Variants in GRID2 observed in about 807,000 individuals in gnomAD.
GRID2 encodes the protein glutamate receptor ionotropic, delta-2.
GRID2 carries 33 observed loss-of-function variants against 114.8 expected under a neutral mutation model. The ratio of observed to expected loss-of-function variants is 0.29; its 90% confidence interval spans 0.22 to 0.38. The LOEUF (loss-of-function observed/expected upper bound fraction) is 0.38, where lower values mean the gene tolerates loss of function less well. Among genes scored for constraint, GRID2 ranks in the 10% least tolerant of loss-of-function variants. The pLI, the probability that GRID2 is intolerant of heterozygous loss-of-function variation, is 1.00. For synonymous variants in GRID2, 505 were observed against 449.9 expected (o/e 1.12, Z -1.55); for missense variants, 1,184 against 1,257.7 (o/e 0.94, Z 0.89).
At chr4:92,495,987 G>A (rs1723371650) in intron 1 of GRID2, among the ~76,000 whole-genome samples, 1 of 151,824 alleles carries the variant, frequency 6.6e-6, no homozygotes, top group African/African-American at 2.4e-5. Context: ...AGGCTTTAAA[G>A]TAAATATGTA....
At chr4:92,388,874 A>AC (rs1472399312) in intron 1 of GRID2, among the ~76,000 whole-genome samples, 1 of 152,118 alleles carries the variant, frequency 6.6e-6, no homozygotes, top group East Asian at 1.9e-4. Context: ...CAATTGGGAA[A>AC]TGTTAACAAG....
chr4:92,843,958 T>C (rs1743103442), intron 2 of GRID2, among the ~76,000 whole-genome samples: 1 of 152,166 alleles, frequency 6.6e-6, no homozygotes, highest in African/African-American at 2.4e-5. Flanking sequence ...GCTGGTTCAC[T>C]GAATATTGCA....
chr4:93,525,272 C>T (rs766641340), intron 13 of GRID2, among the ~76,000 whole-genome samples: 11 of 151,884 alleles, frequency 7.2e-5, no homozygotes, highest in African/African-American at 2.4e-4. Flanking sequence ...AATTAGGTAA[C>T]AGAAATAACA....
chr4:92,635,144 T>TA (rs750397791), intron 2 of GRID2, among the ~76,000 whole-genome samples: 3 of 152,064 alleles, frequency 2.0e-5, no homozygotes, highest in Non-Finnish European at 4.4e-5. Flanking sequence ...TTTCCAGACA[T>TA]AAAAAACAGT....
chr4:92,984,598 C>A (rs1332921022), intron 2 of GRID2, among the ~76,000 whole-genome samples: 1 of 152,132 alleles, frequency 6.6e-6, no homozygotes. Flanking sequence ...GTAGAGATGA[C>A]CATTTTCCTC....
intron 7 of GRID2, among the ~76,000 whole-genome samples, chr4:93,231,139 A>G (rs533354835): frequency 6.6e-6 from 1 of 152,180 alleles, no homozygotes; most frequent in South Asian, 2.1e-4. Flanking sequence ...CCCAGTGCAG[A>G]TCTACCTTCT....
chr4:93,617,821 T>C (rs1741833560), intron 13 of GRID2, among the ~76,000 whole-genome samples: 1 of 152,176 alleles, frequency 6.6e-6, no homozygotes, highest in Non-Finnish European at 1.5e-5. Context: ...AAGGGGTGAT[T>C]CATTATTGTG....
intron 1 of GRID2, among the ~76,000 whole-genome samples, chr4:93,795,932 G>A (rs1031716477): frequency 1.3e-5 from 2 of 152,178 alleles, no homozygotes; most frequent in South Asian, 4.1e-4. Context: ...AACCCACAAG[G>A]CTTAAGGCAA....
At chr4:93,443,917 C>T (rs2904484) in intron 10 of GRID2, among the ~76,000 whole-genome samples, 1 of 149,768 alleles carries the variant, frequency 6.7e-6, no homozygotes, top group Non-Finnish European at 1.5e-5. Flanking sequence ...GAGAGAGAGA[C>T]ATCTTTCTTG....
intron 2 of GRID2, among the ~76,000 whole-genome samples, chr4:92,743,036 G>T (rs977010221): frequency 2.0e-5 from 3 of 152,116 alleles, no homozygotes; most frequent in Non-Finnish European, 4.4e-5. Flanking sequence ...CAACAGTTTG[G>T]GAGGTTGAGG....
chr4:92,939,139 C>G (rs1010158691), intron 2 of GRID2, among the ~76,000 whole-genome samples: 1 of 147,362 alleles, frequency 6.8e-6, no homozygotes, highest in Non-Finnish European at 1.5e-5. Flanking sequence ...GGAACTGCTA[C>G]ACTGACTTCC....
At chr4:93,267,537 C>T (rs981513314) in intron 8 of GRID2, among the ~76,000 whole-genome samples, 3 of 152,170 alleles carry the variant, frequency 2.0e-5, no homozygotes, top group Non-Finnish European at 4.4e-5. Context: ...GGCTTTCTCC[C>T]GCCACCCAAA....
chr4:92,566,485 C>G (rs1404670637), intron 1 of GRID2, among the ~76,000 whole-genome samples: 1 of 151,912 alleles, frequency 6.6e-6, no homozygotes, highest in Non-Finnish European at 1.5e-5. Flanking sequence ...TATTCATTCT[C>G]CTGTCAACAG....
At chr4:92,906,496 G>T (rs1049762736) in intron 2 of GRID2, among the ~76,000 whole-genome samples, 4 of 143,086 alleles carry the variant, frequency 2.8e-5, no homozygotes, top group Admixed American at 2.2e-4. Flanking sequence ...ACTTAAATCT[G>T]TCTTTACTCT....
At chr4:93,366,939 A>T (rs751967325) in intron 8 of GRID2, among the ~76,000 whole-genome samples, 1 of 151,876 alleles carries the variant, frequency 6.6e-6, no homozygotes, top group African/African-American at 2.4e-5. Flanking sequence ...ATATATATAT[A>T]TTTAGAATAA....
At chr4:92,944,060 A>T (rs546836338) in intron 2 of GRID2, among the ~76,000 whole-genome samples, 1 of 152,158 alleles carries the variant, frequency 6.6e-6, no homozygotes, top group African/African-American at 2.4e-5. Flanking sequence ...CAATCTGTCC[A>T]TTCTCAGATC....
intron 1 of GRID2, among the ~76,000 whole-genome samples, chr4:92,447,701 G>A (rs1283491073): frequency 3.9e-5 from 6 of 152,184 alleles, no homozygotes; most frequent in Admixed American, 2.0e-4. Flanking sequence ...CAAATCTGGT[G>A]AGGGCTTGTC....
chr4:93,190,175 C>T (rs1341417708), intron 4 of GRID2, among the ~76,000 whole-genome samples: 1 of 150,754 alleles, frequency 6.6e-6, no homozygotes, highest in Non-Finnish European at 1.5e-5. Flanking sequence ...GGAACTAACA[C>T]TTTTGTTTTT....
At chr4:92,626,618 G>A (rs185911746) in intron 2 of GRID2, among the ~76,000 whole-genome samples, 2 of 152,046 alleles carry the variant, frequency 1.3e-5, no homozygotes, top group East Asian at 3.9e-4. Flanking sequence ...TAGTGCAGAG[G>A]AAATAAACCT....
Sources: gnomAD v4.1 joint callset for allele counts (sites outside exome capture counted in the v4.1 genomes callset) on GRCh38, gnomAD v4.1.1 for gene constraint, MANE v1.5 for transcripts, NCBI Gene and HGNC (gene_info 2026-07-23, HGNC 2026-07-21) for gene names.